Variants in NSD2 observed in about 807,000 individuals in gnomAD.
NSD2 encodes nuclear receptor binding SET domain protein 2.
In NSD2, 12 loss-of-function variants were observed where a neutral mutation model predicts 139.0. That is an observed-to-expected ratio of 0.09 (90% CI 0.06 to 0.14). The LOEUF (loss-of-function observed/expected upper bound fraction) is 0.14, where lower values mean the gene tolerates loss of function less well. Among genes scored for constraint, NSD2 ranks in the 10% least tolerant of loss-of-function variants. NSD2 has a pLI of 1.00. For synonymous variants in NSD2, 669 were observed against 648.7 expected (o/e 1.03, Z -0.48); for missense variants, 1,155 against 1,745.0 (o/e 0.66, Z 6.02).
chr4:1,946,167 G>C, intron 9 of NSD2: 1 of 1,023,636 alleles, frequency 9.8e-7, no homozygotes, highest in South Asian at 4.6e-5. Flanking sequence ...AGAAACTGAG[G>C]TAACTGTCAT....
chr4:1,929,967 G>T (rs995624397), intron 5 of NSD2, among the ~76,000 whole-genome samples: 1 of 152,162 alleles, frequency 6.6e-6, no homozygotes, highest in African/African-American at 2.4e-5. Context: ...GATCATCCTA[G>T]AGACCTTGTG....
chr4:1,872,493 C>T (rs1713865058), intron 1 of NSD2, among the ~76,000 whole-genome samples: 1 of 151,700 alleles, frequency 6.6e-6, no homozygotes. Context: ...TGGGCTTTGA[C>T]ATTCAAGTGG....
intron 11 of NSD2, chr4:1,952,856 C>T (rs1268939693): frequency 8.5e-6 from 11 of 1,300,416 alleles, no homozygotes; most frequent in Admixed American, 3.5e-5. Context: ...TCCTATCTCA[C>T]GTCAGAACAC....
intron 8 of NSD2, 159 bp from the exon 9 acceptor site, chr4:1,939,495 T>A (rs1722854533): frequency 1.3e-6 from 1 of 779,822 alleles, no homozygotes; most frequent in Non-Finnish European, 2.0e-6. Context: ...TGCTTTTGTT[T>A]ATGTTCAGAT....
rs1281608141 is a variant in NSD2 at position 1,872,591 on chromosome 4, T to TGTGTGA, written c.-30+1050_-30+1051insTGTGAG. On this transcript the variant is annotated intron_variant, in intron 1 of 21. Coordinates refer to ENST00000508803, the MANE Select transcript of NSD2 (RefSeq NM_001042424.3). ...GTGTGTGTGTGTGTGTGTGTGTGTGTGAGAGAGAGAGAGAGAGAGAGAGAG... is the reference window on the plus strand; with the variant it reads ...GTGTGTGTGTGTGTGTGTGTGTGTGTGTGTGAGAGAGAGAGAGAGAGAGAGAGAGAG... Among the ~76,000 whole-genome samples the TGTGTGA allele has an allele frequency of 5.0e-3, 225 of 44,878 alleles. 1 individual carries two copies. The highest frequency in any genetic ancestry group is 9.3e-3 in the Admixed American group (27 of 2,896). The allele number at this position is 44,878 out of a possible 152,430, so 29.4% of individuals were successfully genotyped here.
intron 1 of NSD2, among the ~76,000 whole-genome samples, chr4:1,876,673 A>G (rs1409305441): frequency 6.6e-6 from 1 of 152,168 alleles, no homozygotes; most frequent in African/African-American, 2.4e-5. Context: ...CCTGGGAGAT[A>G]GCACAACCCT....
chr4:1,872,627 A>AGAGAGAGAGAGCGC (rs1560534111), intron 1 of NSD2, among the ~76,000 whole-genome samples: 1 of 143,236 alleles, frequency 7.0e-6, no homozygotes, highest in Non-Finnish European at 1.5e-5. Flanking sequence ...AGAGAGAGAG[A>AGAGAGAGAGAGCGC]GAGAGAGAGC....
At chr4:1,916,153 G>A (rs1719363569) in intron 3 of NSD2, among the ~76,000 whole-genome samples, 1 of 149,216 alleles carries the variant, frequency 6.7e-6, no homozygotes, top group African/African-American at 2.4e-5. Flanking sequence ...TGTGAGATAG[G>A]GGGGTAGCTA....
Position 1,979,076 on chromosome 4 carries a change from A to G in NSD2, c.*167A>G, listed in dbSNP as rs114883490. On this transcript the variant is annotated 3_prime_UTR_variant, in exon 22 of 22. Coordinates refer to ENST00000508803, the MANE Select transcript of NSD2 (RefSeq NM_001042424.3). ...GCCTCCCCACCACTGAGCCATCCTC[A>G]GCAGCGTCCGCTGCGTCTGCACTGA... 870 of 839,620 alleles carry G rather than the reference A, an allele frequency of 1.0e-3. 4 individuals carry two copies. In the African/African-American group the frequency reaches 0.014, roughly 13 times the overall value. 52.0% of individuals were successfully genotyped at this position (839,620 alleles called of 1,614,324 possible).
At chr4:1,928,733 G>A (rs1560675772) in intron 5 of NSD2, among the ~76,000 whole-genome samples, 1 of 152,094 alleles carries the variant, frequency 6.6e-6, no homozygotes, top group Non-Finnish European at 1.5e-5. Flanking sequence ...GGGTGATGGG[G>A]TGCCAGGGGC....
intron 1 of NSD2, among the ~76,000 whole-genome samples, chr4:1,900,136 C>T (rs781081947): frequency 1.3e-5 from 2 of 152,230 alleles, no homozygotes; most frequent in Non-Finnish European, 2.9e-5. Flanking sequence ...CCTGATACCT[C>T]AGCTGTAACA....
At chr4:1,913,509 G>A (rs1439145409) in intron 3 of NSD2, among the ~76,000 whole-genome samples, 2 of 152,198 alleles carry the variant, frequency 1.3e-5, no homozygotes, top group African/African-American at 4.8e-5. Flanking sequence ...ATCTGGCTCC[G>A]CCTTCTAGAT....
Position 1,918,199 on chromosome 4 carries a change from CAGA to C in NSD2, c.992_994del (p.Glu331del). On this transcript the variant is annotated inframe_deletion, in exon 5 of 22. Coordinates refer to ENST00000508803, the MANE Select transcript of NSD2 (RefSeq NM_001042424.3). ...CAGTGGGAAATGGGCATTGTTCAAGCAGAAGAAGCTGCAAGCATGTCAGTGGAG... is the reference window on the plus strand; with the variant it reads ...CAGTGGGAAATGGGCATTGTTCAAGCAGAAGCTGCAAGCATGTCAGTGGAG... The C allele has an allele frequency of 6.2e-7, 1 of 1,613,062 alleles. No individual in the cohort carries two copies. Among genetic ancestry groups the C allele is most frequent in the Non-Finnish European group, 8.5e-7 (1 of 1,179,924 alleles).
At chr4:1,888,926 C>T (rs1416764419) in intron 1 of NSD2, among the ~76,000 whole-genome samples, 3 of 144,170 alleles carry the variant, frequency 2.1e-5, no homozygotes, top group East Asian at 2.0e-4. Context: ...TTGAGACAGT[C>T]TCACTCTGTT....
In NSD2 at chr4:1,981,030, C is replaced by A. The variant is rs116110889; in HGVS notation, c.*2121C>A. 1 of 233,114 alleles carries A rather than the reference C, an allele frequency of 4.3e-6. No homozygotes were observed. Among genetic ancestry groups the A allele is most frequent in the Admixed American group, 5.6e-5 (1 of 17,772 alleles). The allele number at this position is 233,114 out of a possible 1,614,324, so 14.4% of individuals were successfully genotyped here. A position where few individuals can be genotyped will look rare whatever the true frequency, so the allele number is the denominator to read the frequency against. On this transcript the variant is annotated 3_prime_UTR_variant, in exon 22 of 22. Coordinates refer to ENST00000508803, the MANE Select transcript of NSD2 (RefSeq NM_001042424.3). ...GCAGGTAAGGGACTACCAATGCTTA[C>A]GTCAAAACAGCAGAATCGGCTTTGC...
At position 1,951,143 on chromosome 4, in the gene NSD2, A is replaced by T. The variant is rs1355524162; in HGVS notation, c.1953A>T (p.Val651=). 2 of 1,614,256 alleles carry T rather than the reference A, an allele frequency of 1.2e-6. No homozygotes were observed. Among genetic ancestry groups the T allele is most frequent in the East Asian group, 4.5e-5 (2 of 44,888 alleles). The change falls in exon 10 of 22, where the codon GTA becomes GTT. Residue 651 remains valine (V), a synonymous_variant. Coordinates refer to ENST00000508803, the MANE Select transcript of NSD2 (RefSeq NM_001042424.3). ...GTGCAGACGAAACACAAACTGAAGT[A>T]TCTGTCTCATCCAAAAAGTCTGAGC... is the stretch of plus-strand genomic sequence containing the variant. ...YESADETQTE[V]SVSSKKSERG...
chr4:1,880,514 C>A (rs1303187237), intron 1 of NSD2, among the ~76,000 whole-genome samples: 18 of 152,024 alleles, frequency 1.2e-4, no homozygotes, highest in Admixed American at 1.1e-3. Flanking sequence ...AGACCTATGT[C>A]CTCGTTCCCA....
intron 1 of NSD2, among the ~76,000 whole-genome samples, chr4:1,872,625 A>AGAGAGAGAGAGAGAGAGAGC: frequency 6.9e-6 from 1 of 144,118 alleles, no homozygotes; most frequent in Non-Finnish European, 1.5e-5. Flanking sequence ...AGAGAGAGAG[A>AGAGAGAGAGAGAGAGAGAGC]GAGAGAGAGA....
chr4:1,930,850 G>A lies in NSD2; in HGVS notation c.1555+80G>A, dbSNP rs1025161428. 69 of 1,491,232 alleles carry A rather than the reference G, an allele frequency of 4.6e-5. No individual in the cohort carries two copies. The South Asian group carries it at 6.8e-4, about 15-fold the overall frequency. The allele number at this position is 1,491,232 out of a possible 1,614,324, so 92.4% of individuals were successfully genotyped here. A position where few individuals can be genotyped will look rare whatever the true frequency, so the allele number is the denominator to read the frequency against. Reference sequence around the variant, plus strand: ...CAAGCTGAGCTCTGATCTTGGAACCGTAGGGAAGTGTGTCCACTCTCCCTG... The same window carrying A: ...CAAGCTGAGCTCTGATCTTGGAACCATAGGGAAGTGTGTCCACTCTCCCTG... On this transcript the variant is annotated intron_variant, in intron 6 of 21. Transcript: ENST00000508803.
Sources: gnomAD v4.1 joint callset for allele counts (sites outside exome capture counted in the v4.1 genomes callset) on GRCh38, gnomAD v4.1.1 for gene constraint, MANE v1.5 for transcripts, NCBI Gene and HGNC (gene_info 2026-07-23, HGNC 2026-07-21) for gene names.